Variants in PPP4R4 observed in about 807,000 individuals in gnomAD.
PPP4R4 encodes protein phosphatase 4 regulatory subunit 4.
A neutral mutation model predicts 121.8 loss-of-function variants in PPP4R4; 70 were observed. The ratio of observed to expected loss-of-function variants is 0.57; its 90% CI spans 0.47 to 0.70. The LOEUF (loss-of-function observed/expected upper bound fraction) is 0.70, where lower values mean the gene tolerates loss of function less well. PPP4R4 is among the 30% of genes least tolerant of loss of function. PPP4R4 has a pLI of 0.00. For missense variants in PPP4R4, 875 were observed against 1,033.6 expected (o/e 0.85, Z 2.10); for synonymous variants, 348 against 355.7 (o/e 0.98, Z 0.24).
chr14:94,181,309 GTA>G (rs1358371191), intron 2 of PPP4R4, among the ~76,000 whole-genome samples: 2 of 152,202 alleles, frequency 1.3e-5, no homozygotes, highest in African/African-American at 4.8e-5. Context: ...GTGTATATGT[GTA>G]TATAGGTGGT....
intron 3 of PPP4R4, among the ~76,000 whole-genome samples, chr14:94,218,735 TGC>T (rs1555354534): frequency 1.8e-5 from 1 of 56,170 alleles, no homozygotes. Flanking sequence ...ACACCGCACG[TGC>T]GCGCGCGCAC....
At position 94,244,639 on chromosome 14, in the gene PPP4R4, C is replaced by A; in HGVS notation, c.1271C>A (p.Ser424Tyr). 1 of 1,497,064 alleles carries A rather than the reference C, an allele frequency of 6.7e-7. No individual in the cohort carries two copies. Among genetic ancestry groups the A allele is most frequent in the Non-Finnish European group, 9.1e-7 (1 of 1,102,104 alleles). The allele number at this position is 1,497,064 out of a possible 1,614,324, so 92.7% of individuals were successfully genotyped here. ...GACTTTATTGCTATATTTTAGGTATCTAAGCTTCTGAATTCTGGAGTATAT... is the reference window on the plus strand; with the variant it reads ...GACTTTATTGCTATATTTTAGGTATATAAGCTTCTGAATTCTGGAGTATAT... Reference protein sequence around the residue: ...YTIAICFYEVSKLLNSGVYLI... With the variant: ...YTIAICFYEVYKLLNSGVYLI... The change falls in exon 12 of 25, where the codon TCT (serine) becomes TAT (tyrosine). Residue 424 changes from serine to tyrosine, a missense_variant. Transcript: ENST00000304338.
chr14:94,260,232 C>T lies in PPP4R4; in HGVS notation c.2127+863C>T, dbSNP rs550003974. On this transcript the variant is annotated intron_variant, in intron 19 of 24. Coordinates refer to ENST00000304338, the MANE Select transcript of PPP4R4 (RefSeq NM_058237.2). ...CGAGGTCAGGAGATCAAGACCATCC[C>T]GGCTAACATGGTGAAACCCCATCTC... Among the ~76,000 whole-genome samples the T allele has an allele frequency of 1.0e-3, 156 of 152,066 alleles. 1 individual carries two copies. Among genetic ancestry groups the T allele is most frequent in the South Asian group, 6.0e-3 (29 of 4,824 alleles).
Position 94,220,220 on chromosome 14 carries a change from C to CATAAATAA in PPP4R4, c.295-10350_295-10343dup, listed in dbSNP as rs553352386. On this transcript the variant is annotated intron_variant, in intron 3 of 24. Transcript: ENST00000304338. ...TGGGCAGCAGAGCGAGACTCCATCT[C>CATAAATAA]ATAAATAAATAAATAAATAAATAAC... Among the ~76,000 whole-genome samples the CATAAATAA allele has an allele frequency of 3.3e-5, 5 of 152,052 alleles. No homozygotes were observed. The East Asian group carries it at 9.7e-4, about 29-fold the overall frequency.
chr14:94,271,545 G>A (rs1446580761), intron 23 of PPP4R4, among the ~76,000 whole-genome samples: 2 of 152,140 alleles, frequency 1.3e-5, no homozygotes, highest in Non-Finnish European at 2.9e-5. Context: ...AAAACCTACA[G>A]ATAACATCAC....
intron 2 of PPP4R4, among the ~76,000 whole-genome samples, chr14:94,192,036 G>T (rs1283558690): frequency 6.6e-6 from 1 of 152,038 alleles, no homozygotes; most frequent in Non-Finnish European, 1.5e-5. Flanking sequence ...CTCATATATT[G>T]TGATGATTAA....
chr14:94,209,364 T>C (rs1890623255), intron 3 of PPP4R4, among the ~76,000 whole-genome samples: 1 of 152,074 alleles, frequency 6.6e-6, no homozygotes, highest in Non-Finnish European at 1.5e-5. Context: ...GCTCTTGTCA[T>C]AATTTTTAAT....
At position 94,199,347 on chromosome 14, in the gene PPP4R4, A is replaced by G. The variant is rs566928534; in HGVS notation, c.192-9117A>G. On this transcript the variant is annotated intron_variant, in intron 2 of 24. Coordinates refer to ENST00000304338, the MANE Select transcript of PPP4R4 (RefSeq NM_058237.2). The stretch of plus-strand genomic sequence containing the variant: ...CACTGCTCAAACCTCTAGGGGGAGC[A>G]TGCAGATGGGCAGGTTGTGGGGCTC... 2.6e-5 allele frequency among the ~76,000 whole-genome samples: 4 copies of G among 152,348 alleles called. No individual in the cohort carries two copies. In the East Asian group the frequency reaches 7.7e-4, roughly 29 times the overall value.
At chr14:94,265,997 T>A (rs543433209) in intron 22 of PPP4R4, 110 bp downstream of exon 22, 1 of 725,532 alleles carries the variant, frequency 1.4e-6, no homozygotes, top group East Asian at 3.1e-5. Context: ...GAGGTTTTTT[T>A]ATAGGCCAGT....
chr14:94,265,674 G>A, intron 21 of PPP4R4, 120 bp from the exon 22 acceptor site: 1 of 868,148 alleles, frequency 1.2e-6, no homozygotes, highest in Non-Finnish European at 1.8e-6. Context: ...TCAAATTAAG[G>A]AAAAAAGGCT....
rs115459466 is a variant in PPP4R4, at chr14:94,193,582, G to A, written c.192-14882G>A. On this transcript the variant is annotated intron_variant, in intron 2 of 24. Coordinates refer to ENST00000304338, the MANE Select transcript of PPP4R4 (RefSeq NM_058237.2). ...AGGTTATTAAAGTAAGGTTATTGGC[G>A]AGAATCTAATTGAAATAATAGGGAG... Among the ~76,000 whole-genome samples, 457 of 152,226 alleles carry A rather than the reference G, an allele frequency of 3.0e-3. 2 individuals carry two copies. Among genetic ancestry groups the A allele is most frequent in the African/African-American group, 0.01 (434 of 41,532 alleles).
In PPP4R4 at chr14:94,278,805, A is replaced by G; in HGVS notation, c.*162A>G. The G allele has an allele frequency of 2.0e-6, 1 of 511,088 alleles. No individual in the cohort carries two copies. 31.7% of individuals were successfully genotyped at this position (511,088 alleles called of 1,614,324 possible). A position where few individuals can be genotyped will look rare whatever the true frequency, so the allele number is the denominator to read the frequency against. On this transcript the variant is annotated 3_prime_UTR_variant, in exon 25 of 25. Coordinates refer to ENST00000304338, the MANE Select transcript of PPP4R4 (RefSeq NM_058237.2). ...AGAGACATAATGACAGCTGATGTTA[A>G]ACTTTTCATATTTCAAATTAGATTC...
intron 16 of PPP4R4, among the ~76,000 whole-genome samples, chr14:94,252,375 G>C (rs990825220): frequency 2.6e-5 from 4 of 152,094 alleles, no homozygotes; most frequent in African/African-American, 9.7e-5. Flanking sequence ...CCAGTAAAAT[G>C]TTAATTGCAT....
At position 94,227,189 on chromosome 14, in the gene PPP4R4, G is replaced by C. The variant is rs895687271; in HGVS notation, c.295-3398G>C. On this transcript the variant is annotated intron_variant, in intron 3 of 24. Transcript: ENST00000304338. ...TTTCATTTTTGAGGAATTCAAGTTG[G>C]GATGCCAGCCGTACAATAGTAATGT... 1.4e-5 allele frequency: 13 copies of C among 926,328 alleles called. No individual in the cohort carries two copies. In the Middle Eastern group the frequency reaches 6.7e-4, roughly 48 times the overall value. 57.4% of individuals were successfully genotyped at this position (926,328 alleles called of 1,614,324 possible).
intron 7 of PPP4R4, 79 bp downstream of exon 7, chr14:94,234,748 T>A: frequency 2.0e-6 from 2 of 991,362 alleles, no homozygotes. Flanking sequence ...TTAAAAATGA[T>A]CATAACAAGT....
At chr14:94,176,252 G>A (rs970296178) in intron 2 of PPP4R4, 125 bp downstream of exon 2, 1 of 752,056 alleles carries the variant, frequency 1.3e-6, no homozygotes, top group Non-Finnish European at 2.3e-6. Context: ...GAGTACTTTT[G>A]TGTGCATAGT....
intron 5 of PPP4R4, among the ~76,000 whole-genome samples, chr14:94,231,619 C>T (rs1595502688): frequency 6.6e-6 from 1 of 152,178 alleles, no homozygotes; most frequent in East Asian, 1.9e-4. Context: ...TTGTTTTTCA[C>T]TTAGCATTAC....
At chr14:94,262,700 A>G (rs769095899) in intron 19 of PPP4R4, among the ~76,000 whole-genome samples, 68 of 152,072 alleles carry the variant, frequency 4.5e-4, no homozygotes, top group Admixed American at 6.5e-4. Flanking sequence ...GATCTTTACC[A>G]TTTCCAGTGC....
At chr14:94,263,819 A>G (rs954831925) in intron 19 of PPP4R4, among the ~76,000 whole-genome samples, 4 of 152,144 alleles carry the variant, frequency 2.6e-5, no homozygotes, top group African/African-American at 9.7e-5. Flanking sequence ...TAGAATTTCC[A>G]TTTGATTTTT....
Sources: gnomAD v4.1 joint callset for allele counts (sites outside exome capture counted in the v4.1 genomes callset) on GRCh38, gnomAD v4.1.1 for gene constraint, MANE v1.5 for transcripts, NCBI Gene and HGNC (gene_info 2026-07-23, HGNC 2026-07-21) for gene names.